KATNIP: variants seen among roughly 807,000 people sequenced by gnomAD.
KATNIP encodes the protein katanin-interacting protein.
Under a neutral mutation model 174.0 loss-of-function variants are expected in KATNIP, and 126 were observed. That is an observed-to-expected ratio of 0.72 (90% CI 0.63 to 0.84). The LOEUF is 0.84. KATNIP is among the 40% of genes least tolerant of loss of function. The pLI is 0.00. For synonymous variants in KATNIP, 810 were observed against 835.7 expected, an observed-to-expected ratio of 0.97 and a Z score of 0.53; for missense variants, 1,958 against 2,109.7, an observed-to-expected ratio of 0.93 and a Z score of 1.41.
intron 2 of KATNIP, among the ~76,000 whole-genome samples, chr16:27,583,290 T>A (rs1045094377): frequency 6.6e-6 from 1 of 152,190 alleles, no homozygotes; most frequent in Non-Finnish European, 1.5e-5. Flanking sequence ...GAGTCTGTTT[T>A]GGATAAACAA....
chr16:27,737,521 G>A (rs979121795), intron 14 of KATNIP, among the ~76,000 whole-genome samples: 23 of 152,258 alleles, frequency 1.5e-4, no homozygotes, highest in African/African-American at 5.1e-4. Flanking sequence ...GGGAGCCTGG[G>A]ACCTGAATGA....
intron 2 of KATNIP, among the ~76,000 whole-genome samples, chr16:27,577,379 C>CA (rs1167549146): frequency 4.0e-5 from 6 of 151,700 alleles, no homozygotes; most frequent in African/African-American, 1.2e-4. Context: ...CCTTTCTCTA[C>CA]AAAAAAATTA....
chr16:27,699,431 C>G, intron 9 of KATNIP, 103 bp from the exon 10 acceptor site: 1 of 1,532,332 alleles, frequency 6.5e-7, no homozygotes, highest in South Asian at 1.3e-5. Context: ...TCTATGGTAG[C>G]TTGAGAAGGT....
At chr16:27,626,642 C>T (rs1303121795) in intron 3 of KATNIP, among the ~76,000 whole-genome samples, 1 of 152,112 alleles carries the variant, frequency 6.6e-6, no homozygotes, top group Non-Finnish European at 1.5e-5. Context: ...TACTCCTTAT[C>T]TACTAAATGG....
chr16:27,720,566 T>C (rs1387368373), intron 13 of KATNIP, among the ~76,000 whole-genome samples: 3 of 139,376 alleles, frequency 2.2e-5, no homozygotes, highest in Non-Finnish European at 3.0e-5. Context: ...GATTCTGGAA[T>C]AACCAGACAC....
At chr16:27,770,762 C>T (rs939593520) in intron 21 of KATNIP, among the ~76,000 whole-genome samples, 8 of 152,192 alleles carry the variant, frequency 5.3e-5, no homozygotes, top group Non-Finnish European at 2.9e-5. Flanking sequence ...ATCCTTCCAG[C>T]CACCCTTTGA....
At chr16:27,573,082 A>G (rs1193844472) in intron 1 of KATNIP, among the ~76,000 whole-genome samples, 1 of 152,180 alleles carries the variant, frequency 6.6e-6, no homozygotes, top group Non-Finnish European at 1.5e-5. Context: ...AGCTGTCACT[A>G]AGCATTTTTT....
intron 6 of KATNIP, among the ~76,000 whole-genome samples, chr16:27,653,147 C>A (rs186287390): frequency 6.6e-6 from 1 of 152,306 alleles, no homozygotes; most frequent in African/African-American, 2.4e-5. Flanking sequence ...AAGAAGAGAT[C>A]ATTGATCCAG....
Position 27,618,464 on chromosome 16 carries a change from CATG to C in KATNIP, c.108_110del (p.Asp36del), listed in dbSNP as rs1234854120. 1.2e-6 allele frequency: 2 copies of C among 1,613,258 alleles called. No homozygotes were observed. The highest frequency in any genetic ancestry group is 1.7e-5 in the Admixed American group (1 of 60,000). ...CATGGTGACAGACTTTGATGAGAAA[CATG>C]ATGAGTATTTAATATTGCTTCAGCA... On this transcript the variant is annotated inframe_deletion, in exon 3 of 28. Coordinates refer to ENST00000261588, the MANE Select transcript of KATNIP (RefSeq NM_015202.5).
rs537240590 is a variant in KATNIP, at chr16:27,574,111, C to G, written c.63+155C>G. On this transcript the variant is annotated intron_variant, in intron 2 of 27. Transcript: ENST00000261588. ...AAATGATAGTGAGCAACTAGACTTA[C>G]CAACCCAGTGTCACTTGTAATAATC... is the stretch of plus-strand genomic sequence containing the variant. The G allele has an allele frequency of 1.7e-4, 109 of 631,604 alleles. 1 individual carries two copies. The South Asian group carries it at 1.9e-3, about 11-fold the overall frequency. 39.1% of individuals were successfully genotyped at this position (631,604 alleles called of 1,614,324 possible). A position where few individuals can be genotyped will look rare whatever the true frequency, so the allele number is the denominator to read the frequency against.
intron 8 of KATNIP, among the ~76,000 whole-genome samples, chr16:27,691,416 G>A (rs74019418): frequency 0.018 from 2,772 of 152,310 alleles, 63 homozygotes; most frequent in East Asian, 0.088. Flanking sequence ...GCTTTTGCTG[G>A]TGGCACAAAT....
intron 2 of KATNIP, among the ~76,000 whole-genome samples, chr16:27,604,947 G>C (rs1219054562): frequency 1.3e-5 from 2 of 152,186 alleles, no homozygotes; most frequent in Admixed American, 6.5e-5. Context: ...TTTGGTTTTT[G>C]AGATGGAGTC....
chr16:27,608,603 G>A (rs2075792462), intron 2 of KATNIP, among the ~76,000 whole-genome samples: 1 of 151,256 alleles, frequency 6.6e-6, no homozygotes, highest in Non-Finnish European at 1.5e-5. Flanking sequence ...CTGTAGCCTC[G>A]AGCTCCTGGG....
At chr16:27,586,869 T>C (rs1479897414) in intron 2 of KATNIP, among the ~76,000 whole-genome samples, 2 of 147,760 alleles carry the variant, frequency 1.4e-5, no homozygotes, top group Non-Finnish European at 3.0e-5. Flanking sequence ...GAAACTGAAA[T>C]AAGTATAAGG....
In KATNIP at chr16:27,681,400, T is replaced by C; in HGVS notation, c.810T>C (p.Ser270=). ...VVLEFNPASK[S]HKRERNLSAK... ...CATGAAACAATTGTTTTCCTACAGG[T>C]CATAAAAGGGAAAGGAATTTGTCTG... The change falls in exon 8 of 28, where the codon AGT becomes AGC. Residue 270 remains serine, a splice_region_variant and synonymous_variant. Coordinates refer to ENST00000261588, the MANE Select transcript of KATNIP (RefSeq NM_015202.5). 1.2e-6 allele frequency: 2 copies of C among 1,614,124 alleles called. No individual in the cohort carries two copies. Among genetic ancestry groups the C allele is most frequent in the Non-Finnish European group, 1.7e-6 (2 of 1,180,024 alleles).
At position 27,628,811 on chromosome 16, in the gene KATNIP, C is replaced by T; in HGVS notation, c.291C>T (p.Ser97=). 2.5e-6 allele frequency: 4 copies of T among 1,614,140 alleles called. No homozygotes were observed. Among genetic ancestry groups the T allele is most frequent in the Non-Finnish European group, 3.4e-6 (4 of 1,180,020 alleles). The change falls in exon 4 of 28, where the codon TCC becomes TCT. Residue 97 remains serine, a synonymous_variant. Coordinates refer to ENST00000261588, the MANE Select transcript of KATNIP (RefSeq NM_015202.5). ...AIHSDFSRSA[S]HTEGTHDYGR... ...ACTCTGACTTCTCCAGAAGTGCCTC[C>T]CACACGGAGGGGACACACGGTGAGC... is the stretch of plus-strand genomic sequence containing the variant.
At chr16:27,692,196 C>A (rs181815694) in intron 8 of KATNIP, among the ~76,000 whole-genome samples, 5 of 152,214 alleles carry the variant, frequency 3.3e-5, no homozygotes, top group African/African-American at 7.2e-5. Flanking sequence ...TTGCACCCCA[C>A]GTGTCAGGTG....
At chr16:27,773,846 T>G (rs574704794) in intron 23 of KATNIP, among the ~76,000 whole-genome samples, 1 of 152,242 alleles carries the variant, frequency 6.6e-6, no homozygotes, top group Admixed American at 6.5e-5. Context: ...CCCATTGTTA[T>G]CTACCAGGCC....
intron 1 of KATNIP, among the ~76,000 whole-genome samples, chr16:27,564,911 G>A (rs947079589): frequency 2.0e-5 from 3 of 151,908 alleles, no homozygotes; most frequent in African/African-American, 7.2e-5. Context: ...TTAAAGGCAT[G>A]CGCCACCACA....
Sources: gnomAD v4.1 joint callset for allele counts (sites outside exome capture counted in the v4.1 genomes callset) on GRCh38, gnomAD v4.1.1 for gene constraint, MANE v1.5 for transcripts, NCBI Gene and HGNC (gene_info 2026-07-23, HGNC 2026-07-21) for gene names.